Variants in ERBB4 observed in about 807,000 individuals in gnomAD.
The protein encoded by ERBB4 is receptor tyrosine-protein kinase erbB-4.
Under a neutral mutation model 158.0 loss-of-function variants are expected in ERBB4, and 42 were observed. The ratio of observed to expected loss-of-function variants is 0.27; its 90% confidence interval spans 0.21 to 0.34. ERBB4 has a LOEUF of 0.34. ERBB4 is among the 10% of genes least tolerant of loss of function. ERBB4 has a pLI of 1.00. For synonymous variants in ERBB4, 583 were observed against 558.7 expected (o/e 1.04, Z -0.61); for missense variants, 1,333 against 1,624.1 (o/e 0.82, Z 3.08).
chr2:211,902,965 T>C (rs2079277753), intron 3 of ERBB4, among the ~76,000 whole-genome samples: 1 of 152,028 alleles, frequency 6.6e-6, no homozygotes, highest in Non-Finnish European at 1.5e-5. Flanking sequence ...ATCTCTGTAA[T>C]CTCAATCTAT....
chr2:212,112,628 C>T (rs1367889097), intron 2 of ERBB4, among the ~76,000 whole-genome samples: 1 of 151,860 alleles, frequency 6.6e-6, no homozygotes, highest in Non-Finnish European at 1.5e-5. Context: ...TCTGTGGTCC[C>T]GAGAAAGTCA....
chr2:211,953,411 A>G (rs945109247), intron 2 of ERBB4, among the ~76,000 whole-genome samples: 1 of 149,194 alleles, frequency 6.7e-6, no homozygotes, highest in Non-Finnish European at 1.5e-5. Context: ...ACAAAATAAA[A>G]TCTAATTTCT....
intron 18 of ERBB4, among the ~76,000 whole-genome samples, chr2:211,620,597 C>T (rs1428615253): frequency 3.3e-5 from 5 of 151,924 alleles, no homozygotes; most frequent in Admixed American, 6.6e-5. Context: ...AATCTATGTG[C>T]CAAATGCAAA....
At chr2:211,600,535 A>C (rs1228626322) in intron 19 of ERBB4, among the ~76,000 whole-genome samples, 1 of 152,222 alleles carries the variant, frequency 6.6e-6, no homozygotes, top group African/African-American at 2.4e-5. Context: ...TGAAGTTGAA[A>C]GGTAGGACTG....
chr2:212,459,573 T>G (rs1265929021), intron 1 of ERBB4, among the ~76,000 whole-genome samples: 2 of 152,092 alleles, frequency 1.3e-5, no homozygotes, highest in African/African-American at 4.8e-5. Flanking sequence ...ACCAATGACA[T>G]TCTTCACAAA....
chr2:212,538,583 C>T lies in ERBB4; in HGVS notation c.-53G>A, dbSNP rs1303963435. The T allele has an allele frequency of 3.9e-6, 6 of 1,549,206 alleles. No individual in the cohort carries two copies. The highest frequency in any genetic ancestry group is 1.1e-5 in the South Asian group (1 of 89,870). On this transcript the variant is annotated 5_prime_UTR_variant, in exon 1 of 28. Coordinates refer to ENST00000342788, the MANE Select transcript of ERBB4 (RefSeq NM_005235.3). ...ACAATTACATGTCCAAATGGCATAT[C>T]CCCCTTTCGGGCACGCGGAGGAGAT...
chr2:211,517,744 G>A (rs1279664549), intron 20 of ERBB4, among the ~76,000 whole-genome samples: 1 of 152,088 alleles, frequency 6.6e-6, no homozygotes, highest in Non-Finnish European at 1.5e-5. Context: ...GCATTATAGA[G>A]ACATTTGCAA....
intron 2 of ERBB4, among the ~76,000 whole-genome samples, chr2:212,105,898 C>T (rs2125528283): frequency 6.6e-6 from 1 of 152,238 alleles, no homozygotes; most frequent in South Asian, 2.1e-4. Context: ...AGTTTTCTTG[C>T]ACAAGTTCCA....
chr2:212,240,355 A>T (rs1363068339), intron 1 of ERBB4, among the ~76,000 whole-genome samples: 1 of 152,058 alleles, frequency 6.6e-6, no homozygotes, highest in East Asian at 1.9e-4. Flanking sequence ...CTTATCTCTA[A>T]AGACGAAGGG....
chr2:211,386,712 T>A, intron 27 of ERBB4, 141 bp downstream of exon 27: 1 of 734,768 alleles, frequency 1.4e-6, no homozygotes, highest in Admixed American at 2.0e-5. Context: ...GGGACCATAC[T>A]ACAAGTAGCA....
At chr2:211,682,410 G>A (rs1164941630) in intron 12 of ERBB4, among the ~76,000 whole-genome samples, 2 of 152,106 alleles carry the variant, frequency 1.3e-5, no homozygotes, top group South Asian at 2.1e-4. Context: ...CCACACTGGT[G>A]AGGGCAATCT....
rs549117741 is a variant in ERBB4, at chr2:211,509,321, T to C, written c.2487+52582A>G. Among the ~76,000 whole-genome samples the C allele has an allele frequency of 1.2e-4, 19 of 152,220 alleles. No homozygotes were observed. In the South Asian group the frequency reaches 2.1e-3, roughly 17 times the overall value. On this transcript the variant is annotated intron_variant, in intron 20 of 27. Coordinates refer to ENST00000342788, the MANE Select transcript of ERBB4 (RefSeq NM_005235.3). ...ACTTACATAACAAACCTGCACATTCTGTACATGTATCCCAGAACTTAAAGC... is the reference window on the plus strand; with the variant it reads ...ACTTACATAACAAACCTGCACATTCCGTACATGTATCCCAGAACTTAAAGC...
At chr2:212,195,468 T>G (rs1169272173) in intron 1 of ERBB4, among the ~76,000 whole-genome samples, 2 of 148,086 alleles carry the variant, frequency 1.4e-5, no homozygotes, top group Non-Finnish European at 3.0e-5. Context: ...ATTAGGCTAT[T>G]TTTAAATTTA....
chr2:211,914,826 T>A (rs1375716700), intron 3 of ERBB4, among the ~76,000 whole-genome samples: 1 of 152,150 alleles, frequency 6.6e-6, no homozygotes, highest in Non-Finnish European at 1.5e-5. Context: ...TTTATTCTTA[T>A]CAATATTATT....
chr2:212,159,963 A>T (rs76976227), intron 1 of ERBB4, among the ~76,000 whole-genome samples: 2,507 of 152,112 alleles, frequency 0.016, 25 homozygotes, highest in African/African-American at 0.036. Context: ...GGTTAGTCTA[A>T]GTCCAAAAAC....
chr2:212,077,675 TAAGAGAAGC>T, intron 2 of ERBB4, among the ~76,000 whole-genome samples: 1 of 151,978 alleles, frequency 6.6e-6, no homozygotes, highest in Admixed American at 6.6e-5. Flanking sequence ...GCAGGGGACT[TAAGAGAAGC>T]TGGTGTTAAA....
chr2:212,507,686 C>T (rs1691268720), intron 1 of ERBB4, among the ~76,000 whole-genome samples: 1 of 152,148 alleles, frequency 6.6e-6, no homozygotes, highest in South Asian at 2.1e-4. Context: ...TGAATTGCTG[C>T]AATCTCATGA....
intron 1 of ERBB4, among the ~76,000 whole-genome samples, chr2:212,369,874 T>C (rs2090026167): frequency 6.6e-6 from 1 of 152,096 alleles, no homozygotes; most frequent in Non-Finnish European, 1.5e-5. Flanking sequence ...ACTAATTTCG[T>C]TTAAAGCAAG....
At chr2:212,410,606 A>G (rs560957472) in intron 1 of ERBB4, among the ~76,000 whole-genome samples, 11 of 152,192 alleles carry the variant, frequency 7.2e-5, no homozygotes, top group African/African-American at 2.4e-4. Context: ...TCATTTTCTC[A>G]TCTAAGTCTA....
Sources: gnomAD v4.1 joint callset for allele counts (sites outside exome capture counted in the v4.1 genomes callset) on GRCh38, gnomAD v4.1.1 for gene constraint, MANE v1.5 for transcripts, NCBI Gene and HGNC (gene_info 2026-07-23, HGNC 2026-07-21) for gene names.